The following AXDND1 variants were observed in gnomAD, a reference collection of about 807,000 sequenced individuals.
AXDND1 encodes axonemal dynein light chain domain containing 1.
In AXDND1, 110 loss-of-function variants were observed where a neutral mutation model predicts 137.5. The ratio of observed to expected loss-of-function variants is 0.80; its 90% confidence interval spans 0.69 to 0.94. The LOEUF is 0.94. Among genes scored for constraint, AXDND1 ranks in the 40% least tolerant of loss-of-function variants. AXDND1 has a pLI of 0.00. For synonymous variants in AXDND1, 414 were observed against 399.7 expected, an observed-to-expected ratio of 1.04 and a Z score of -0.43; for missense variants, 1,191 against 1,169.8, an observed-to-expected ratio of 1.02 and a Z score of -0.26.
At chr1:179,480,569 GTCACTCTCACA>G (rs758413167) in intron 17 of AXDND1, among the ~76,000 whole-genome samples, 78 of 152,316 alleles carry the variant, frequency 5.1e-4, no homozygotes, top group Middle Eastern at 3.4e-3. Context: ...CAGAGTTCTG[GTCACTCTCACA>G]GGCAGTTTCT....
At chr1:179,530,667 GA>G (rs1358777469) in intron 23 of AXDND1, among the ~76,000 whole-genome samples, 1 of 152,188 alleles carries the variant, frequency 6.6e-6, no homozygotes, top group Non-Finnish European at 1.5e-5. Flanking sequence ...CTAAGCTTTT[GA>G]AAAGTTGCTG....
chr1:179,403,953 C>T (rs1451561876), intron 11 of AXDND1, among the ~76,000 whole-genome samples: 1 of 152,154 alleles, frequency 6.6e-6, no homozygotes, highest in Admixed American at 6.6e-5. Flanking sequence ...TACAGTAATA[C>T]CGTATGTACT....
chr1:179,408,077 C>T (rs1408528128), intron 11 of AXDND1, among the ~76,000 whole-genome samples: 1 of 152,022 alleles, frequency 6.6e-6, no homozygotes, highest in Non-Finnish European at 1.5e-5. Context: ...TTTTTTATTA[C>T]ATTTATTGAA....
intron 20 of AXDND1, among the ~76,000 whole-genome samples, chr1:179,499,071 A>G (rs773627953): frequency 6.6e-6 from 1 of 152,160 alleles, no homozygotes; most frequent in Non-Finnish European, 1.5e-5. Flanking sequence ...CAGCAATCCC[A>G]TTACTGTCTA....
intron 21 of AXDND1, among the ~76,000 whole-genome samples, chr1:179,522,345 A>G (rs1341036202): frequency 6.6e-6 from 1 of 152,108 alleles, no homozygotes; most frequent in Non-Finnish European, 1.5e-5. Context: ...TCATTTTTGT[A>G]ATCTTTCTGT....
At chr1:179,517,591 T>C (rs571253831) in intron 21 of AXDND1, among the ~76,000 whole-genome samples, 19 of 152,346 alleles carry the variant, frequency 1.2e-4, no homozygotes, top group African/African-American at 4.6e-4. Context: ...AGGAATGGCC[T>C]GCTTGGGGAC....
intron 17 of AXDND1, among the ~76,000 whole-genome samples, chr1:179,476,556 G>A (rs369303474): frequency 6.6e-6 from 1 of 150,418 alleles, no homozygotes; most frequent in Admixed American, 6.7e-5. Flanking sequence ...AAATTCTTCG[G>A]TTTTTTTTTT....
At chr1:179,488,657 TTCTTTCTTTC>T (rs1666437472) in intron 18 of AXDND1, among the ~76,000 whole-genome samples, 3 of 107,094 alleles carry the variant, frequency 2.8e-5, no homozygotes, top group Non-Finnish European at 3.9e-5. Flanking sequence ...CTTTCTTTCT[TTCTTTCTTTC>T]TTTCTTTCTT....
chr1:179,456,351 C>T, intron 16 of AXDND1: 1 of 772,372 alleles, frequency 1.3e-6, no homozygotes, highest in Non-Finnish European at 2.3e-6. Flanking sequence ...AAAGTTTCCT[C>T]CCTTCGTGGG....
chr1:179,394,993 A>G (rs1650820954), intron 10 of AXDND1, 105 bp from the exon 11 acceptor site: 1 of 883,522 alleles, frequency 1.1e-6, no homozygotes, highest in Non-Finnish European at 1.8e-6. Flanking sequence ...GAAGGGAGGT[A>G]CACATGATAA....
At position 179,488,630 on chromosome 1, in the gene AXDND1, CTCTCCTTTCTT is replaced by C. The variant is rs1486286423; in HGVS notation, c.2092-2904_2092-2894del. On this transcript the variant is annotated intron_variant, in intron 18 of 25. Coordinates refer to ENST00000367618, the MANE Select transcript of AXDND1 (RefSeq NM_144696.6). Reference sequence around the variant, plus strand: ...TTTCTTTCTTTCTTTCTCTCTCTCTCTCTCCTTTCTTTCTTTCTTTCTTTCTTTCTTTCTTT... The same window carrying C: ...TTTCTTTCTTTCTTTCTCTCTCTCTCTCTTTCTTTCTTTCTTTCTTTCTTT... Among the ~76,000 whole-genome samples the C allele has an allele frequency of 1.2e-3, 75 of 60,132 alleles. 1 individual carries two copies. The highest frequency in any genetic ancestry group is 6.0e-3 in the East Asian group (7 of 1,168). The allele number at this position is 60,132 out of a possible 152,430, so 39.4% of individuals were successfully genotyped here.
chr1:179,464,508 T>C (rs962841722), intron 16 of AXDND1, among the ~76,000 whole-genome samples: 2 of 152,222 alleles, frequency 1.3e-5, no homozygotes, highest in African/African-American at 4.8e-5. Context: ...GGACTTCCCT[T>C]TGTGAGTAAC....
intron 11 of AXDND1, among the ~76,000 whole-genome samples, chr1:179,408,004 T>G (rs1216549805): frequency 6.6e-6 from 1 of 152,230 alleles, no homozygotes; most frequent in Admixed American, 6.5e-5. Context: ...AGACCTGTCT[T>G]CAAGGTCAGA....
At chr1:179,365,759 C>G (rs528888893), upstream of AXDND1, 2 of 152,656 alleles carry the variant, frequency 1.3e-5, no homozygotes, top group South Asian at 4.1e-4. Flanking sequence ...GCGTGAGACA[C>G]TTTCGGATTC....
chr1:179,392,799 C>A (rs1490750984), intron 9 of AXDND1, among the ~76,000 whole-genome samples: 1 of 151,954 alleles, frequency 6.6e-6, no homozygotes, highest in Non-Finnish European at 1.5e-5. Context: ...ATGTCCTTTG[C>A]CCACTTTTTG....
At chr1:179,418,645 G>A (rs1365899327) in intron 12 of AXDND1, among the ~76,000 whole-genome samples, 5 of 149,340 alleles carry the variant, frequency 3.3e-5, no homozygotes, top group Non-Finnish European at 7.5e-5. Context: ...CCTCCCGGAC[G>A]GGGCGGCTGG....
intron 25 of AXDND1, among the ~76,000 whole-genome samples, chr1:179,541,880 A>C (rs1018202047): frequency 6.6e-6 from 1 of 152,242 alleles, no homozygotes; most frequent in Non-Finnish European, 1.5e-5. Context: ...ATTAATATAC[A>C]TAAATATTAC....
intron 15 of AXDND1, among the ~76,000 whole-genome samples, chr1:179,440,469 G>C (rs1175734119): frequency 6.6e-6 from 1 of 152,212 alleles, no homozygotes; most frequent in Non-Finnish European, 1.5e-5. Context: ...ATTTCATTTG[G>C]AGCCAAACCT....
chr1:179,418,689 C>T (rs182347167), intron 12 of AXDND1, among the ~76,000 whole-genome samples: 50,795 of 147,590 alleles, frequency 0.34, 9,188 homozygotes, highest in Middle Eastern at 0.44. Flanking sequence ...ACCTCCCTCC[C>T]GGACGGGGCG....
Sources: gnomAD v4.1 joint callset for allele counts (sites outside exome capture counted in the v4.1 genomes callset) on GRCh38, gnomAD v4.1.1 for gene constraint, MANE v1.5 for transcripts, NCBI Gene and HGNC (gene_info 2026-07-23, HGNC 2026-07-21) for gene names.